Variants in FAM171A2 observed in about 807,000 individuals in gnomAD.
FAM171A2 encodes the protein family with sequence similarity 171 member A2.
A neutral mutation model predicts 34.2 loss-of-function variants in FAM171A2; 13 were observed. The observed-to-expected ratio is 0.38, with a 90% confidence interval of 0.25 to 0.60. FAM171A2 has a LOEUF of 0.60. Ranked by LOEUF, FAM171A2 falls within the 20% of genes least tolerant of loss-of-function variation. FAM171A2 has a pLI of 0.62. For missense variants in FAM171A2, 950 were observed against 1,180.7 expected (o/e 0.80, Z 2.86); for synonymous variants, 475 against 561.2 (o/e 0.85, Z 2.17).
At chr17:44,359,472 G>T in intron 3 of FAM171A2, 107 bp downstream of exon 3, 1 of 882,258 alleles carries the variant, frequency 1.1e-6, no homozygotes, top group Non-Finnish European at 1.8e-6. Context: ...GCTCAGAGAG[G>T]TGAAGTGACT....
chr17:44,354,197 G>A lies in FAM171A2; in HGVS notation c.2017C>T (p.Leu673=). ...NSQVRHSYID[L]QAGGGARSTD... ...CTGCGTGCCCCGCCGCCCGCCTGCA[G>A]GTCGATGTAAGAGTGGCGCACTTGC... Residue 673 remains leucine, a synonymous_variant, in exon 8 of 8, where the codon CTG becomes TTG. Transcript: ENST00000293443. The surrounding 1 kb of genome is among the most constrained non-coding windows in gnomAD (Gnocchi z 5.8). The A allele has an allele frequency of 2.9e-6, 4 of 1,391,792 alleles. No individual in the cohort carries two copies. Among genetic ancestry groups the A allele is most frequent in the Non-Finnish European group, 2.8e-6 (3 of 1,061,414 alleles). 86.2% of individuals were successfully genotyped at this position (1,391,792 alleles called of 1,614,324 possible).
intron 2 of FAM171A2, 101 bp downstream of exon 2, chr17:44,359,804 T>A (rs2048440587): frequency 1.5e-6 from 2 of 1,362,240 alleles, no homozygotes; most frequent in Non-Finnish European, 2.0e-6. Flanking sequence ...AGGCAGCAGC[T>A]GCTGGAAAGC....
Position 44,363,846 on chromosome 17 carries a change from C to G in FAM171A2, c.-132G>C, listed in dbSNP as rs537556651. 0.049 allele frequency: 16,399 copies of G among 334,484 alleles called. 538 individuals carry two copies. Among genetic ancestry groups the G allele is most frequent in the Non-Finnish European group, 0.055 (11,150 of 203,724 alleles). 20.7% of individuals were successfully genotyped at this position (334,484 alleles called of 1,614,324 possible). A position where few individuals can be genotyped will look rare whatever the true frequency, so the allele number is the denominator to read the frequency against. On this transcript the variant is annotated 5_prime_UTR_variant, in exon 1 of 8. Transcript: ENST00000293443. ...CTCCCGCTGCGGCGCCCGCTCAGCG[C>G]GATTGTCTCCGACCGGAGCCGCCGC...
In FAM171A2 at chr17:44,355,806, C is replaced by G. The variant is rs375887147; in HGVS notation, c.931G>C (p.Gly311Arg). 1.3e-6 allele frequency: 2 copies of G among 1,551,614 alleles called. No homozygotes were observed. Among genetic ancestry groups the G allele is most frequent in the African/African-American group, 1.4e-5 (1 of 73,036 alleles). Reference protein sequence around the residue: ...VTITSGIQDIGTYHTIFLLTI... With the variant: ...VTITSGIQDIRTYHTIFLLTI... ...AGCAAGAAGATGGTGTGGTAGGTGC[C>G]GATGTCCTGGATGCCCGACGTGATG... The change falls in exon 7 of 8, where the codon GGC becomes CGC. Residue 311 changes from glycine (G) to arginine (R), a missense_variant. Transcript: ENST00000293443. The surrounding 1 kb of genome is among the most constrained non-coding windows in gnomAD (Gnocchi z 4.1).
chr17:44,363,594 C>A lies in FAM171A2; in HGVS notation c.118+3G>T. Reference sequence around the variant, plus strand: ...ATCGCGGCCCCTCCCGGCTGAGACTCACCCTGCGGGCTGGGGGGCTCCGGC... The same window carrying A: ...ATCGCGGCCCCTCCCGGCTGAGACTAACCCTGCGGGCTGGGGGGCTCCGGC... On this transcript the variant is annotated splice_donor_region_variant and intron_variant, in intron 1 of 7. Coordinates refer to ENST00000293443, the MANE Select transcript of FAM171A2 (RefSeq NM_198475.3). 1 of 1,224,342 alleles carries A rather than the reference C, an allele frequency of 8.2e-7. No individual in the cohort carries two copies. Among genetic ancestry groups the A allele is most frequent in the South Asian group, 4.1e-5 (1 of 24,612 alleles). The allele number at this position is 1,224,342 out of a possible 1,614,324, so 75.8% of individuals were successfully genotyped here. A position where few individuals can be genotyped will look rare whatever the true frequency, so the allele number is the denominator to read the frequency against.
At chr17:44,356,647 A>C (rs2048425480) in intron 3 of FAM171A2, 59 bp from the exon 4 acceptor site, 1 of 1,467,012 alleles carries the variant, frequency 6.8e-7, no homozygotes, top group Non-Finnish European at 9.0e-7. Context: ...CAGGGACCAG[A>C]GCAGAAACCC....
Position 44,353,751 on chromosome 17 carries a change from C to T in FAM171A2, c.2463G>A (p.Met821Ile), listed in dbSNP as rs776988485. ...PWQRREERPL[M>I]VFNVK is the part of the protein sequence containing the mutation. The stretch of plus-strand genomic sequence containing the variant: ...GCGGGCGCTACTTGACGTTGAACAC[C>T]ATCAGCGGCCGCTCCTCCCGCCGCT... Residue 821 changes from methionine (M) to isoleucine (I), a missense_variant, in exon 8 of 8, where the codon ATG (methionine) becomes ATA (isoleucine). Physicochemically the swap from Met to Ile is conservative, Grantham distance 10 (BLOSUM62 1). This residue lies in a region of FAM171A2 where 191 missense variants were observed against 222.8 expected (regional missense o/e 0.86). Transcript: ENST00000293443. The T allele has an allele frequency of 1.1e-5, 16 of 1,428,640 alleles. No homozygotes were observed. Among genetic ancestry groups the T allele is most frequent in the Non-Finnish European group, 9.2e-7 (1 of 1,091,014 alleles). The allele number at this position is 1,428,640 out of a possible 1,614,324, so 88.5% of individuals were successfully genotyped here.
At position 44,355,625 on chromosome 17, in the gene FAM171A2, C is replaced by T. The variant is rs1425841396; in HGVS notation, c.1022+90G>A. The T allele has an allele frequency of 4.7e-5, 71 of 1,506,972 alleles. No homozygotes were observed. The highest frequency in any genetic ancestry group is 1.7e-4 in the East Asian group (7 of 40,538). 93.4% of individuals were successfully genotyped at this position (1,506,972 alleles called of 1,614,324 possible). A position where few individuals can be genotyped will look rare whatever the true frequency, so the allele number is the denominator to read the frequency against. ...TGCAGGAAGTCTTTTCCTGTCTGCC[C>T]CTTGAGGACCAGAAGTGGATTTTAT... On this transcript the variant is annotated intron_variant, in intron 7 of 7. Coordinates refer to ENST00000293443, the MANE Select transcript of FAM171A2 (RefSeq NM_198475.3). The surrounding 1 kb of genome is among the most constrained non-coding windows in gnomAD (Gnocchi z 4.1).
intron 1 of FAM171A2, among the ~76,000 whole-genome samples, chr17:44,361,878 C>T (rs1306841651): frequency 6.6e-6 from 1 of 152,062 alleles, no homozygotes; most frequent in East Asian, 1.9e-4. Flanking sequence ...TGCCAACACC[C>T]ATTAGGAATT....
Position 44,354,064 on chromosome 17 carries a change from G to GGCGGCGGCGCGGCA in FAM171A2, c.2136_2149dup (p.Pro717LeufsTer38). The GGCGGCGGCGCGGCA allele has an allele frequency of 9.0e-7, 1 of 1,114,442 alleles. No individual in the cohort carries two copies. Among genetic ancestry groups the GGCGGCGGCGCGGCA allele is most frequent in the Non-Finnish European group, 1.1e-6 (1 of 913,868 alleles). The allele number at this position is 1,114,442 out of a possible 1,614,324, so 69.0% of individuals were successfully genotyped here. Reference sequence around the variant, plus strand: ...CGCCAGGCGCGGGGGCGCGGGCGGCGGCGGCGGCGCGGCAGGCGGGGCGCG... The same window carrying GGCGGCGGCGCGGCA: ...CGCCAGGCGCGGGGGCGCGGGCGGCGGCGGCGGCGCGGCAGCGGCGGCGCGGCAGGCGGGGCGCG... On this transcript the variant is annotated frameshift_variant, in exon 8 of 8. Transcript: ENST00000293443. LOFTEE classifies it low-confidence loss of function (END_TRUNC). The surrounding 1 kb of genome is among the most constrained non-coding windows in gnomAD (Gnocchi z 5.8).
intron 1 of FAM171A2, among the ~76,000 whole-genome samples, chr17:44,360,342 C>T (rs900500997): frequency 1.2e-4 from 18 of 152,244 alleles, no homozygotes; most frequent in Non-Finnish European, 2.1e-4. Flanking sequence ...TGTATTTCAT[C>T]GTCTAACACA....
At chr17:44,363,162 G>A (rs1043182184) in intron 1 of FAM171A2, among the ~76,000 whole-genome samples, 2 of 148,336 alleles carry the variant, frequency 1.3e-5, no homozygotes. Flanking sequence ...CTCCGGTCCC[G>A]GCCTAGGGTG....
At position 44,359,978 on chromosome 17, in the gene FAM171A2, G is replaced by C. The variant is rs2048441585; in HGVS notation, c.273C>G (p.Thr91=). 3.9e-6 allele frequency: 6 copies of C among 1,551,596 alleles called. No homozygotes were observed. Among genetic ancestry groups the C allele is most frequent in the African/African-American group, 1.4e-5 (1 of 73,060 alleles). Residue 91 remains threonine (T), a synonymous_variant, in exon 2 of 8, where the codon ACC becomes ACG. Coordinates refer to ENST00000293443, the MANE Select transcript of FAM171A2 (RefSeq NM_198475.3). ...ATLPLSYRLG[T]WVLVTAARPG... ...GGCGGGCAGCAGTGACCAGCACCCA[G>C]GTGCCCAAGCGATAACTGAGGGGCA...
rs573002011 is a variant in FAM171A2 at position 44,355,043 on chromosome 17, C to T, written c.1171G>A (p.Glu391Lys). ...PLEPAPSGDP[E>K]APPPGPLHSA... ...TGGAGGGGGCCTGGAGGCGGAGCCT[C>T]GGGGTCCCCCGACGGGGCGGGTTCC... The change falls in exon 8 of 8, where the codon GAG (glutamate) becomes AAG (lysine). Residue 391 changes from glutamate to lysine, a missense_variant. Glu to Lys is a moderately conservative substitution (Grantham distance 56). Around this residue, in one of 3 missense-constraint regions of FAM171A2, gnomAD observed 752 missense variants for 924.5 expected, o/e 0.81. Coordinates refer to ENST00000293443, the MANE Select transcript of FAM171A2 (RefSeq NM_198475.3). This position sits in a 1 kb window ranked among gnomAD's most constrained non-coding sequence, Gnocchi z 4.1. 3.2e-6 allele frequency: 5 copies of T among 1,540,070 alleles called. No individual in the cohort carries two copies. The highest frequency in any genetic ancestry group is 2.7e-5 in the African/African-American group (2 of 72,750).
chr17:44,362,186 C>T (rs1175781082), intron 1 of FAM171A2, among the ~76,000 whole-genome samples: 1 of 152,126 alleles, frequency 6.6e-6, no homozygotes, highest in African/African-American at 2.4e-5. Flanking sequence ...CAGAGAACCC[C>T]CAATCCTGGC....
intron 3 of FAM171A2, among the ~76,000 whole-genome samples, chr17:44,358,363 G>A (rs974853353): frequency 6.6e-6 from 1 of 152,132 alleles, no homozygotes; most frequent in African/African-American, 2.4e-5. Context: ...GCACTTAGAA[G>A]CTTGGGATCA....
chr17:44,360,028 T>TGGTGCCA lies in FAM171A2; in HGVS notation c.216_222dup (p.Thr75TrpfsTer40). On this transcript the variant is annotated frameshift_variant, in exon 2 of 8. Transcript: ENST00000293443. LOFTEE classifies it high-confidence loss of function. The stretch of plus-strand genomic sequence containing the variant: ...AGGGTGGCCACACCCTCTGAGTCTG[T>TGGTGCCA]GGTGCCAGCTGCCAGCAGAGTCCGG... The TGGTGCCA allele has an allele frequency of 6.4e-7, 1 of 1,551,708 alleles. No individual in the cohort carries two copies. The highest frequency in any genetic ancestry group is 8.7e-7 in the Non-Finnish European group (1 of 1,147,010).
At chr17:44,362,127 C>A (rs1015384109) in intron 1 of FAM171A2, among the ~76,000 whole-genome samples, 6 of 152,120 alleles carry the variant, frequency 3.9e-5, no homozygotes, top group Non-Finnish European at 8.8e-5. Flanking sequence ...AGGTGCCTAG[C>A]AGATTCCCTT....
intron 1 of FAM171A2, among the ~76,000 whole-genome samples, chr17:44,360,911 C>CCCT (rs1259519439): frequency 6.6e-6 from 1 of 152,234 alleles, no homozygotes; most frequent in Non-Finnish European, 1.5e-5. Flanking sequence ...TGCCTCCTCC[C>CCCT]CCTCACATGA....
Sources: allele counts gnomAD v4.1 joint callset (sites outside exome capture counted in the v4.1 genomes callset), GRCh38; gene constraint gnomAD v4.1.1; regional missense constraint gnomAD v4.1.1; non-coding constraint Gnocchi (gnomAD v3.1); transcripts MANE v1.5; gene names NCBI Gene and HGNC (gene_info 2026-07-23, HGNC 2026-07-21).